ITFG1: variants seen among roughly 807,000 people sequenced by gnomAD.
ITFG1 encodes T-cell immunomodulatory protein.
ITFG1 carries 34 observed loss-of-function variants against 81.8 expected under a neutral mutation model. The observed-to-expected ratio is 0.42, with a 90% CI of 0.32 to 0.55. The LOEUF (loss-of-function observed/expected upper bound fraction) is 0.55. Among genes scored for constraint, ITFG1 ranks in the 20% least tolerant of loss-of-function variants. The pLI is 0.17. For synonymous variants in ITFG1, 285 were observed against 270.6 expected, an observed-to-expected ratio of 1.05 and a Z score of -0.52; for missense variants, 672 against 755.4, an observed-to-expected ratio of 0.89 and a Z score of 1.29.
chr16:47,336,062 A>T (rs1355503338), intron 8 of ITFG1, among the ~76,000 whole-genome samples: 1 of 152,256 alleles, frequency 6.6e-6, no homozygotes. Flanking sequence ...ACATATTACA[A>T]TATGAGTGAA....
intron 12 of ITFG1, among the ~76,000 whole-genome samples, chr16:47,251,413 AT>A (rs1404514505): frequency 3.4e-4 from 52 of 152,216 alleles, no homozygotes; most frequent in African/African-American, 1.2e-3. Flanking sequence ...CAATTGTCTG[AT>A]GGGCAGAAGT....
intron 3 of ITFG1, among the ~76,000 whole-genome samples, chr16:47,453,141 C>CTGGT (rs1263479320): frequency 6.6e-6 from 1 of 152,150 alleles, no homozygotes; most frequent in Non-Finnish European, 1.5e-5. Context: ...GCAAAACTTC[C>CTGGT]TGGTTCTAAA....
At chr16:47,403,342 T>G (rs1300809700) in intron 6 of ITFG1, among the ~76,000 whole-genome samples, 3 of 152,068 alleles carry the variant, frequency 2.0e-5, no homozygotes, top group Non-Finnish European at 4.4e-5. Flanking sequence ...TATATTATAA[T>G]TGGCCCATAT....
chr16:47,437,179 T>C (rs1969177917), intron 5 of ITFG1, among the ~76,000 whole-genome samples: 1 of 152,116 alleles, frequency 6.6e-6, no homozygotes, highest in South Asian at 2.1e-4. Context: ...TGAAAACAAA[T>C]CTTTAGGTGG....
chr16:47,394,439 A>G (rs566594224), intron 6 of ITFG1, among the ~76,000 whole-genome samples: 1 of 152,282 alleles, frequency 6.6e-6, no homozygotes, highest in South Asian at 2.1e-4. Flanking sequence ...CACTATTTTC[A>G]CTTTTTAAAG....
chr16:47,429,823 T>A (rs1288376115), intron 5 of ITFG1, among the ~76,000 whole-genome samples: 1 of 152,164 alleles, frequency 6.6e-6, no homozygotes, highest in Non-Finnish European at 1.5e-5. Flanking sequence ...CATCCATTCA[T>A]CCATCCATCC....
intron 5 of ITFG1, among the ~76,000 whole-genome samples, chr16:47,442,196 G>C (rs1225712119): frequency 6.6e-6 from 1 of 152,150 alleles, no homozygotes; most frequent in Non-Finnish European, 1.5e-5. Context: ...TAAACAAATG[G>C]AAGAACATTC....
At chr16:47,358,308 C>T (rs111944433) in intron 8 of ITFG1, among the ~76,000 whole-genome samples, 8 of 151,982 alleles carry the variant, frequency 5.3e-5, no homozygotes, top group Non-Finnish European at 8.8e-5. Context: ...ATGATGACTT[C>T]GAATACATGG....
intron 8 of ITFG1, among the ~76,000 whole-genome samples, chr16:47,343,212 G>A (rs1184753320): frequency 6.6e-6 from 1 of 152,062 alleles, no homozygotes; most frequent in African/African-American, 2.4e-5. Flanking sequence ...CCTGACAAGG[G>A]TACCCAGTCC....
chr16:47,203,868 C>G (rs906750208), intron 14 of ITFG1, among the ~76,000 whole-genome samples: 1 of 152,104 alleles, frequency 6.6e-6, no homozygotes, highest in Non-Finnish European at 1.5e-5. Context: ...ATGCCATGGG[C>G]TGGAGCAGGA....
intron 6 of ITFG1, among the ~76,000 whole-genome samples, chr16:47,385,557 C>T (rs537553122): frequency 1.3e-5 from 2 of 152,312 alleles, no homozygotes; most frequent in South Asian, 4.1e-4. Flanking sequence ...ATTAAGGCTT[C>T]CTTTCAAAAG....
chr16:47,159,545 G>A lies in ITFG1; in HGVS notation c.1662-555C>T, dbSNP rs534302920. 3.9e-5 allele frequency among the ~76,000 whole-genome samples: 6 copies of A among 152,204 alleles called. No individual in the cohort carries two copies. In the East Asian group the frequency reaches 9.6e-4, roughly 24 times the overall value. ...ATTACTACAATGACTTTTAGGTTCA[G>A]ATCACTTACAAAATCATCTTTAGTC... On this transcript the variant is annotated intron_variant, in intron 16 of 17. Coordinates refer to ENST00000320640, the MANE Select transcript of ITFG1 (RefSeq NM_030790.5).
At chr16:47,370,909 C>G (rs1162107123) in intron 7 of ITFG1, among the ~76,000 whole-genome samples, 1 of 152,188 alleles carries the variant, frequency 6.6e-6, no homozygotes, top group East Asian at 1.9e-4. Flanking sequence ...GTATTTGAAA[C>G]TATATATTAT....
intron 14 of ITFG1, among the ~76,000 whole-genome samples, chr16:47,182,945 T>A (rs1965150057): frequency 1.3e-5 from 2 of 152,180 alleles, no homozygotes; most frequent in African/African-American, 2.4e-5. Flanking sequence ...GGCGAGCCAT[T>A]GCCTCACTCG....
At chr16:47,296,904 A>G (rs1244021368) in intron 10 of ITFG1, among the ~76,000 whole-genome samples, 1 of 152,190 alleles carries the variant, frequency 6.6e-6, no homozygotes, top group Non-Finnish European at 1.5e-5. Flanking sequence ...GAGAAGAATT[A>G]TATGGTTAGA....
At chr16:47,461,090 C>G (rs1016883264), upstream of ITFG1, 2 of 1,472,498 alleles carry the variant, frequency 1.4e-6, no homozygotes, top group Admixed American at 2.3e-5. Context: ...CCGCGCTTGA[C>G]GACAGCCGCA....
At chr16:47,336,827 G>C (rs1178771662) in intron 8 of ITFG1, among the ~76,000 whole-genome samples, 2 of 152,062 alleles carry the variant, frequency 1.3e-5, no homozygotes, top group African/African-American at 4.8e-5. Flanking sequence ...GCCGGGCATG[G>C]TGACACATGC....
intron 8 of ITFG1, among the ~76,000 whole-genome samples, chr16:47,345,628 A>T (rs1967843716): frequency 6.6e-6 from 1 of 152,238 alleles, no homozygotes; most frequent in Non-Finnish European, 1.5e-5. Context: ...AAAGTTTACA[A>T]ATTTGTGCTG....
chr16:47,436,198 CT>C (rs2151612341), intron 5 of ITFG1, among the ~76,000 whole-genome samples: 1 of 152,160 alleles, frequency 6.6e-6, no homozygotes, highest in South Asian at 2.1e-4. Flanking sequence ...AAAAATTCAT[CT>C]ATGAACTATC....
Sources: gnomAD v4.1 joint callset for allele counts (sites outside exome capture counted in the v4.1 genomes callset) on GRCh38, gnomAD v4.1.1 for gene constraint, MANE v1.5 for transcripts, NCBI Gene and HGNC (gene_info 2026-07-23, HGNC 2026-07-21) for gene names.